Variants in NPAS3 observed in about 807,000 individuals in gnomAD.
NPAS3 encodes the protein neuronal PAS domain protein 3, also known as neuronal PAS domain-containing protein 3.
In NPAS3, 14 loss-of-function variants were observed where a neutral mutation model predicts 73.1. That is an observed-to-expected ratio of 0.19 (90% confidence interval 0.13 to 0.30). The LOEUF (loss-of-function observed/expected upper bound fraction) is 0.30. Among genes scored for constraint, NPAS3 ranks in the 10% least tolerant of loss-of-function variants. NPAS3 has a pLI of 1.00. For synonymous variants in NPAS3, 620 were observed against 541.5 expected, an observed-to-expected ratio of 1.14 and a Z score of -2.01; for missense variants, 1,096 against 1,250.0, an observed-to-expected ratio of 0.88 and a Z score of 1.86.
chr14:32,982,897 G>A (rs1050520581), intron 1 of NPAS3, among the ~76,000 whole-genome samples: 1 of 152,122 alleles, frequency 6.6e-6, no homozygotes, highest in African/African-American at 2.4e-5. Flanking sequence ...TTTGCTTATT[G>A]TTCTGTAATG....
intron 2 of NPAS3, among the ~76,000 whole-genome samples, chr14:33,144,939 C>A (rs374459346): frequency 5.3e-5 from 8 of 151,976 alleles, no homozygotes; most frequent in African/African-American, 1.9e-4. Context: ...TTTCTGAGTC[C>A]TCGAATATTT....
In NPAS3 at chr14:33,540,329, T is replaced by C. The variant is rs111354783; in HGVS notation, c.469-19792T>C. 6.2e-3 allele frequency among the ~76,000 whole-genome samples: 945 copies of C among 152,332 alleles called. 13 individuals carry two copies. Among genetic ancestry groups the C allele is most frequent in the African/African-American group, 0.022 (904 of 41,560 alleles). On this transcript the variant is annotated intron_variant, in intron 4 of 11. Coordinates refer to ENST00000356141, the Ensembl canonical transcript of NPAS3. ...GCCCAATACCTATGCTTTGTTCATT[T>C]ATTGCCTTCTCTGAAGATAAATGGA...
At chr14:33,098,285 T>C (rs760008883) in intron 2 of NPAS3, among the ~76,000 whole-genome samples, 1 of 152,196 alleles carries the variant, frequency 6.6e-6, no homozygotes, top group Non-Finnish European at 1.5e-5. Flanking sequence ...GTGCCTCCAA[T>C]ACAAATTTTA....
At chr14:33,779,041 T>G (rs527513343) in intron 9 of NPAS3, among the ~76,000 whole-genome samples, 2 of 152,364 alleles carry the variant, frequency 1.3e-5, no homozygotes, top group Admixed American at 1.3e-4. Context: ...GCAGAGCACG[T>G]TCTTTAGAGA....
At chr14:33,216,355 A>G (rs899643407) in intron 3 of NPAS3, among the ~76,000 whole-genome samples, 6 of 152,156 alleles carry the variant, frequency 3.9e-5, no homozygotes, top group South Asian at 4.1e-4. Context: ...ACTCTTGGCT[A>G]TGATAGGAAA....
intron 1 of NPAS3, among the ~76,000 whole-genome samples, chr14:32,966,012 C>T (rs2037139445): frequency 6.6e-6 from 1 of 151,934 alleles, no homozygotes; most frequent in South Asian, 2.1e-4. Flanking sequence ...AAGACTTCTA[C>T]CATGAAAACT....
chr14:33,151,229 G>A (rs1193813396), intron 2 of NPAS3, among the ~76,000 whole-genome samples: 1 of 152,236 alleles, frequency 6.6e-6, no homozygotes, highest in Non-Finnish European at 1.5e-5. Context: ...GCATGGGGCT[G>A]TGACTGCTCC....
intron 2 of NPAS3, among the ~76,000 whole-genome samples, chr14:33,130,310 C>A (rs2043588374): frequency 6.6e-6 from 1 of 152,184 alleles, no homozygotes; most frequent in African/African-American, 2.4e-5. Context: ...CTTAGACCCA[C>A]TGTCTCAGCA....
intron 5 of NPAS3, among the ~76,000 whole-genome samples, chr14:33,611,459 G>A (rs533845992): frequency 2.0e-5 from 3 of 152,258 alleles, no homozygotes; most frequent in East Asian, 3.9e-4. Context: ...GAGGTGAGAT[G>A]AGATGCCTAC....
intron 2 of NPAS3, among the ~76,000 whole-genome samples, chr14:33,119,668 A>G (rs965073622): frequency 1.3e-5 from 2 of 152,122 alleles, no homozygotes; most frequent in Non-Finnish European, 2.9e-5. Flanking sequence ...TGCACCAGGA[A>G]AATGATGAAA....
chr14:33,620,171 G>A (rs534398136), intron 5 of NPAS3, among the ~76,000 whole-genome samples: 16 of 152,212 alleles, frequency 1.1e-4, no homozygotes, highest in African/African-American at 2.4e-4. Context: ...AAGTTTATGC[G>A]CACCGACGAG....
In NPAS3 at chr14:33,114,230, T is replaced by G. The variant is rs2042988077; in HGVS notation, c.140+58236T>G. ...TTTGTATTTTTAGTAGAGATGGGTT[T>G]TTGCCATGTTGGCCAGGTTGGTGTC... On this transcript the variant is annotated intron_variant, in intron 2 of 11. Transcript: ENST00000356141. Among the ~76,000 whole-genome samples, 3 of 152,218 alleles carry G rather than the reference T, an allele frequency of 2.0e-5. No homozygotes were observed. In the South Asian group the frequency reaches 6.2e-4, roughly 32 times the overall value.
At chr14:33,771,949 G>A (rs1294618364) in intron 7 of NPAS3, among the ~76,000 whole-genome samples, 3 of 152,142 alleles carry the variant, frequency 2.0e-5, no homozygotes, top group African/African-American at 4.8e-5. Flanking sequence ...CCATTTACAA[G>A]CTAGGTGACT....
At chr14:33,651,369 C>A (rs548289950) in intron 5 of NPAS3, among the ~76,000 whole-genome samples, 2 of 152,286 alleles carry the variant, frequency 1.3e-5, no homozygotes, top group African/African-American at 4.8e-5. Flanking sequence ...GTAATAAGTA[C>A]TTACTGAGTT....
chr14:33,227,784 A>C (rs1274614269), intron 3 of NPAS3, among the ~76,000 whole-genome samples: 2 of 152,328 alleles, frequency 1.3e-5, no homozygotes, highest in Admixed American at 6.5e-5. Context: ...AGTTCTAACA[A>C]CCTGTAATAA....
At chr14:33,765,431 G>C (rs1031241754) in intron 7 of NPAS3, among the ~76,000 whole-genome samples, 3 of 152,078 alleles carry the variant, frequency 2.0e-5, no homozygotes, top group African/African-American at 4.8e-5. Context: ...GCTGGGCTAG[G>C]GGGAGGGGAT....
intron 4 of NPAS3, among the ~76,000 whole-genome samples, chr14:33,424,860 C>A (rs768577296): frequency 6.6e-6 from 1 of 151,868 alleles, no homozygotes; most frequent in Non-Finnish European, 1.5e-5. Context: ...TGAACAGATA[C>A]AGGTATGGGC....
At chr14:33,164,112 T>C (rs1246284802) in intron 2 of NPAS3, among the ~76,000 whole-genome samples, 1 of 152,222 alleles carries the variant, frequency 6.6e-6, no homozygotes, top group African/African-American at 2.4e-5. Flanking sequence ...GAGATTTTAA[T>C]TCAGTACTTG....
chr14:32,977,356 G>GCACGCACGCACACACACA (rs71432100), intron 1 of NPAS3, among the ~76,000 whole-genome samples: 2 of 141,542 alleles, frequency 1.4e-5, no homozygotes. Flanking sequence ...TCTCTGACAC[G>GCACGCACGCACACACACA]CACACACACA....
Sources: gnomAD v4.1 joint callset for allele counts (sites outside exome capture counted in the v4.1 genomes callset) on GRCh38, gnomAD v4.1.1 for gene constraint, MANE v1.5 for transcripts, NCBI Gene and HGNC (gene_info 2026-07-23, HGNC 2026-07-21) for gene names.